The following GALNT10 variants were observed in gnomAD, a reference collection of about 807,000 sequenced individuals.
GALNT10 encodes the protein polypeptide N-acetylgalactosaminyltransferase 10, also known as GalNAc transferase 10.
GALNT10 carries 41 observed loss-of-function variants against 75.0 expected under a neutral mutation model. The observed-to-expected ratio is 0.55, with a 90% CI of 0.43 to 0.71. GALNT10 has a LOEUF of 0.71. Ranked by LOEUF, GALNT10 falls within the 30% of genes least tolerant of loss-of-function variation. The pLI, the probability that GALNT10 is intolerant of heterozygous loss-of-function variation, is 0.00. For missense variants in GALNT10, 727 were observed against 818.5 expected (o/e 0.89, Z 1.36); for synonymous variants, 302 against 313.0 (o/e 0.96, Z 0.37).
chr5:154,292,472 C>T (rs1321116335), intron 1 of GALNT10, among the ~76,000 whole-genome samples: 2 of 152,134 alleles, frequency 1.3e-5, no homozygotes, highest in Non-Finnish European at 2.9e-5. Flanking sequence ...AGTAATCAAC[C>T]AAAGTTTCCA....
chr5:154,402,856 G>A lies in GALNT10; in HGVS notation c.1057-1248G>A, dbSNP rs1321877127. The A allele has an allele frequency of 6.6e-6, 1 of 152,284 alleles. No homozygotes were observed. The highest frequency in any genetic ancestry group is 2.4e-5 in the African/African-American group (1 of 41,456). The allele number at this position is 152,284 out of a possible 1,614,324, so 9.4% of individuals were successfully genotyped here. On this transcript the variant is annotated intron_variant, in intron 7 of 11. Coordinates refer to ENST00000297107, the MANE Select transcript of GALNT10 (RefSeq NM_198321.4). This position sits in a 1 kb window ranked among gnomAD's most constrained non-coding sequence, Gnocchi z 4.2. ...AGCCAGCGGTCCCACAGAGAAAGGT[G>A]GAAGCCACGGCATCTTTATGACCGT...
At chr5:154,277,810 G>A (rs779433476) in intron 1 of GALNT10, among the ~76,000 whole-genome samples, 8 of 152,086 alleles carry the variant, frequency 5.3e-5, no homozygotes, top group East Asian at 1.9e-4. Context: ...ACCCAGCCCC[G>A]GTGCTCCTCT....
intron 1 of GALNT10, among the ~76,000 whole-genome samples, chr5:154,246,689 A>G (rs566325951): frequency 1.3e-5 from 2 of 152,156 alleles, no homozygotes; most frequent in South Asian, 4.2e-4. Flanking sequence ...ATCTGAGTTC[A>G]TTGTAGATTC....
At chr5:154,218,288 C>T (rs1390494237) in intron 1 of GALNT10, 18 of 232,270 alleles carry the variant, frequency 7.7e-5, no homozygotes, top group Non-Finnish European at 1.2e-4. Flanking sequence ...TTGAATTCTC[C>T]AGTTCGCTGT....
intron 1 of GALNT10, among the ~76,000 whole-genome samples, chr5:154,213,888 G>A (rs1752821731): frequency 6.6e-6 from 1 of 152,114 alleles, no homozygotes; most frequent in Non-Finnish European, 1.5e-5. Context: ...AGCCTGTATT[G>A]TGTATGCTAG....
At chr5:154,358,765 C>T (rs778474575) in intron 4 of GALNT10, among the ~76,000 whole-genome samples, 2 of 152,146 alleles carry the variant, frequency 1.3e-5, no homozygotes, top group Non-Finnish European at 2.9e-5. Flanking sequence ...ACAGACACGA[C>T]GCTGAGGGCC....
At chr5:154,209,770 T>C (rs189940529) in intron 1 of GALNT10, among the ~76,000 whole-genome samples, 87 of 152,308 alleles carry the variant, frequency 5.7e-4, no homozygotes, top group Non-Finnish European at 1.0e-3. Flanking sequence ...CATAGGAGTT[T>C]TGGGGTCATG....
At chr5:154,266,317 GA>G (rs1346954348) in intron 1 of GALNT10, among the ~76,000 whole-genome samples, 3 of 152,018 alleles carry the variant, frequency 2.0e-5, no homozygotes, top group African/African-American at 7.2e-5. Flanking sequence ...CACATGCATT[GA>G]AACAAGATAA....
chr5:154,388,731 A>T, intron 7 of GALNT10: 1 of 140,886 alleles, frequency 7.1e-6, no homozygotes, highest in Non-Finnish European at 1.5e-5. Context: ...TTCCTAGTTT[A>T]CTTGGATATT....
chr5:154,265,054 C>G (rs1176832827), intron 1 of GALNT10, among the ~76,000 whole-genome samples: 1 of 152,154 alleles, frequency 6.6e-6, no homozygotes, highest in African/African-American at 2.4e-5. Flanking sequence ...AAGGGAAACA[C>G]TAAAATAGCC....
chr5:154,376,587 G>A lies in GALNT10; in HGVS notation c.754+125G>A. 1.6e-6 allele frequency: 1 copy of A among 612,260 alleles called. No individual in the cohort carries two copies. The highest frequency in any genetic ancestry group is 2.8e-6 in the Non-Finnish European group (1 of 359,560). The allele number at this position is 612,260 out of a possible 1,614,324, so 37.9% of individuals were successfully genotyped here. ...CTGTTCGAGATGCCCCCAGCACAATGCCAGGTGCCATGAGGGATTCAGAAG... is the reference window on the plus strand; with the variant it reads ...CTGTTCGAGATGCCCCCAGCACAATACCAGGTGCCATGAGGGATTCAGAAG... On this transcript the variant is annotated intron_variant, in intron 5 of 11. Transcript: ENST00000297107. The surrounding 1 kb of genome is among the most constrained non-coding windows in gnomAD (Gnocchi z 4.1).
In GALNT10 at chr5:154,230,203, T is replaced by C. The variant is rs368516566; in HGVS notation, c.159+39178T>C. 7.2e-5 allele frequency among the ~76,000 whole-genome samples: 11 copies of C among 152,332 alleles called. No individual in the cohort carries two copies. The East Asian group carries it at 1.2e-3, about 16-fold the overall frequency. ...GCAAAGCTTTATGTCCCTGAAACAGTCTCAGGTAGGTACCTTATGTGATGC... is the reference window on the plus strand; with the variant it reads ...GCAAAGCTTTATGTCCCTGAAACAGCCTCAGGTAGGTACCTTATGTGATGC... On this transcript the variant is annotated intron_variant, in intron 1 of 11. Transcript: ENST00000297107.
intron 1 of GALNT10, among the ~76,000 whole-genome samples, chr5:154,244,624 G>C (rs1388180092): frequency 3.9e-5 from 6 of 152,114 alleles, no homozygotes; most frequent in Admixed American, 6.5e-5. Context: ...GACTGCCCAG[G>C]ATGGAGTGAT....
rs372126311 is a variant in GALNT10 at position 154,416,480 on chromosome 5, T to TGCACACACAC, written c.1654-334_1654-333insGCACACACAC. ...AAATAAAAGATAAAAGGAAAGCACA[T>TGCACACACAC]ACACACACACACACACACACACACA... is the stretch of plus-strand genomic sequence containing the variant. On this transcript the variant is annotated intron_variant, in intron 11 of 11. Transcript: ENST00000297107. This position sits in a 1 kb window ranked among gnomAD's most constrained non-coding sequence, Gnocchi z 4.5. Among the ~76,000 whole-genome samples the TGCACACACAC allele has an allele frequency of 8.5e-5, 12 of 141,932 alleles. No individual in the cohort carries two copies. The East Asian group carries it at 1.7e-3, about 20-fold the overall frequency. 93.1% of individuals were successfully genotyped at this position (141,932 alleles called of 152,430 possible).
chr5:154,350,209 C>G (rs1211552498), intron 4 of GALNT10, among the ~76,000 whole-genome samples: 2 of 152,086 alleles, frequency 1.3e-5, no homozygotes, highest in Non-Finnish European at 2.9e-5. Context: ...AAAATGTAGT[C>G]CCCATAGAAC....
At chr5:154,413,073 C>T (rs997851032) in intron 10 of GALNT10, 68 bp downstream of exon 10, 18 of 988,956 alleles carry the variant, frequency 1.8e-5, no homozygotes, top group East Asian at 7.2e-5. Flanking sequence ...GGTGCTGACA[C>T]GGCCAGCTGG....
rs929516028 is a variant in GALNT10, at chr5:154,407,712, C to T, written c.1165-1829C>T. Among the ~76,000 whole-genome samples the T allele has an allele frequency of 2.6e-5, 4 of 152,180 alleles. No individual in the cohort carries two copies. In the East Asian group the frequency reaches 7.7e-4, roughly 29 times the overall value. On this transcript the variant is annotated intron_variant, in intron 8 of 11. Transcript: ENST00000297107. ...TTCATGTAGACAGTCTCTGTTAGGC[C>T]TTCAACTTCCTCTAGCACAGTTTTA...
intron 1 of GALNT10, among the ~76,000 whole-genome samples, chr5:154,208,467 T>G (rs1775143592): frequency 1.3e-5 from 2 of 152,226 alleles, no homozygotes; most frequent in South Asian, 4.2e-4. Context: ...AGAAATTTCC[T>G]TAATCTTTTA....
chr5:154,350,245 G>A (rs949249387), intron 4 of GALNT10, among the ~76,000 whole-genome samples: 1 of 152,188 alleles, frequency 6.6e-6, no homozygotes, highest in Non-Finnish European at 1.5e-5. Flanking sequence ...TGGGGTAGGG[G>A]CCAGTGGTTG....
Sources: gnomAD v4.1 joint callset for allele counts (sites outside exome capture counted in the v4.1 genomes callset) on GRCh38, gnomAD v4.1.1 for gene constraint, Gnocchi (gnomAD v3.1) non-coding constraint, MANE v1.5 for transcripts, NCBI Gene and HGNC (gene_info 2026-07-23, HGNC 2026-07-21) for gene names.